EXT2: variants seen among roughly 807,000 people sequenced by gnomAD.
EXT2 encodes exostosin-2.
In EXT2, 53 loss-of-function variants were observed where a neutral mutation model predicts 81.6. The ratio of observed to expected loss-of-function variants is 0.65; its 90% CI spans 0.52 to 0.82. The LOEUF is 0.82. Ranked by LOEUF, EXT2 falls within the 40% of genes least tolerant of loss-of-function variation. The probability of loss-of-function intolerance (pLI) is 0.00; values close to 1 mark genes in which losing one functional copy is unlikely to be tolerated. For synonymous variants in EXT2, 320 were observed against 340.0 expected, an observed-to-expected ratio of 0.94 and a Z score of 0.65; for missense variants, 774 against 910.2, an observed-to-expected ratio of 0.85 and a Z score of 1.93.
At chr11:44,102,699 GTA>G (rs1205490605) in intron 1 of EXT2, among the ~76,000 whole-genome samples, 1 of 151,988 alleles carries the variant, frequency 6.6e-6, no homozygotes, top group Non-Finnish European at 1.5e-5. Context: ...CTGTGGTTCC[GTA>G]TCTTCTCCAA....
chr11:44,114,158 T>A (rs1465466433), intron 3 of EXT2, 27 bp from the exon 4 acceptor site: 2 of 1,587,048 alleles, frequency 1.3e-6, no homozygotes, highest in Admixed American at 1.7e-5. Context: ...TTCTTTCTCA[T>A]CGTTTAACAA....
chr11:44,096,115 C>T, intron 1 of EXT2: 1 of 804,534 alleles, frequency 1.2e-6, no homozygotes, highest in Non-Finnish European at 2.1e-6. Flanking sequence ...TGGTACCCAC[C>T]TGTTCTCCTA....
intron 8 of EXT2, among the ~76,000 whole-genome samples, chr11:44,189,050 AAG>A (rs1236157209): frequency 2.0e-5 from 3 of 152,362 alleles, no homozygotes; most frequent in East Asian, 3.9e-4. Flanking sequence ...CTGTAGGAAA[AAG>A]AGAATAGCAG....
chr11:44,247,243 C>CTAT lies in EXT2; in HGVS notation c.*2957_*2958insATT, dbSNP rs771809042. On this transcript the variant is annotated 3_prime_UTR_variant, in exon 14 of 14. Coordinates refer to ENST00000533608, the MANE Select transcript of EXT2 (RefSeq NM_207122.2). ...CCTGCCAGTGATGCTCTGCTGTATC[C>CTAT]TTTTTTTTTTTTTTTTTTTTGAGAC... Among the ~76,000 whole-genome samples, 2 of 115,182 alleles carry CTAT rather than the reference C, an allele frequency of 1.7e-5. No individual in the cohort carries two copies. The highest frequency in any genetic ancestry group is 3.3e-5 in the African/African-American group (1 of 30,314). 75.6% of individuals were successfully genotyped at this position (115,182 alleles called of 152,430 possible).
At chr11:44,182,912 A>G (rs1179188427) in intron 8 of EXT2, among the ~76,000 whole-genome samples, 4 of 152,244 alleles carry the variant, frequency 2.6e-5, no homozygotes, top group Admixed American at 6.5e-5. Context: ...TTTTAAGTCT[A>G]GAACAATTTC....
intron 8 of EXT2, among the ~76,000 whole-genome samples, chr11:44,190,663 A>G (rs993956592): frequency 6.6e-6 from 1 of 152,230 alleles, no homozygotes; most frequent in Non-Finnish European, 1.5e-5. Flanking sequence ...CTTCAGTGCT[A>G]CAGTTTGGTT....
Position 44,246,656 on chromosome 11 carries a change from G to A in EXT2, c.*2369G>A, listed in dbSNP as rs1386123240. Among the ~76,000 whole-genome samples, 3 of 152,222 alleles carry A rather than the reference G, an allele frequency of 2.0e-5. No individual in the cohort carries two copies. Among genetic ancestry groups the A allele is most frequent in the African/African-American group, 4.8e-5 (2 of 41,456 alleles). On this transcript the variant is annotated 3_prime_UTR_variant, in exon 14 of 14. Transcript: ENST00000533608. ...AACCTCAAAGGTGATGTTACCCTAT[G>A]AACAGATAGGTGGTACAGTCACCGT...
At chr11:44,188,650 A>G (rs1955349683) in intron 8 of EXT2, among the ~76,000 whole-genome samples, 2 of 152,226 alleles carry the variant, frequency 1.3e-5, no homozygotes, top group African/African-American at 2.4e-5. Flanking sequence ...CCATAAAGCT[A>G]TAGGCAATAT....
chr11:44,193,620 G>A (rs761478091), intron 8 of EXT2, among the ~76,000 whole-genome samples: 1 of 152,196 alleles, frequency 6.6e-6, no homozygotes, highest in South Asian at 2.1e-4. Flanking sequence ...GAAGCCATTT[G>A]CATTAACCCT....
At chr11:44,141,731 C>T (rs1443814577) in intron 7 of EXT2, among the ~76,000 whole-genome samples, 1 of 152,212 alleles carries the variant, frequency 6.6e-6, no homozygotes, top group Non-Finnish European at 1.5e-5. Context: ...GGTTTAATCC[C>T]TTGTCATGAA....
chr11:44,213,344 A>T (rs1459481980), intron 10 of EXT2, among the ~76,000 whole-genome samples: 1 of 152,212 alleles, frequency 6.6e-6, no homozygotes, highest in East Asian at 1.9e-4. Flanking sequence ...ATTACTCATC[A>T]TACCAGAAAC....
intron 9 of EXT2, among the ~76,000 whole-genome samples, chr11:44,200,638 C>T (rs536510888): frequency 2.0e-5 from 3 of 152,284 alleles, no homozygotes; most frequent in South Asian, 4.1e-4. Flanking sequence ...CAGCAGCCAC[C>T]TTCCTTTTGA....
chr11:44,106,582 G>GT (rs1954057988), intron 1 of EXT2, among the ~76,000 whole-genome samples: 1 of 152,138 alleles, frequency 6.6e-6, no homozygotes, highest in African/African-American at 2.4e-5. Flanking sequence ...TTTCTTCACA[G>GT]TACATGATGG....
intron 8 of EXT2, among the ~76,000 whole-genome samples, chr11:44,181,311 T>A (rs765966807): frequency 9.2e-4 from 140 of 152,268 alleles, no homozygotes; most frequent in Non-Finnish European, 1.8e-3. Context: ...TCCTGGCAAA[T>A]TCTGTGTTCT....
chr11:44,143,600 G>A (rs1421964114), intron 7 of EXT2, among the ~76,000 whole-genome samples: 1 of 152,142 alleles, frequency 6.6e-6, no homozygotes, highest in Admixed American at 6.5e-5. Context: ...AACATACACA[G>A]GGGTCTTCCC....
At chr11:44,144,402 G>C in intron 7 of EXT2, 11 of 1,404,716 alleles carry the variant, frequency 7.8e-6, no homozygotes, top group South Asian at 4.7e-5. Flanking sequence ...TGCTGAGAAG[G>C]CTTGACCAAA....
chr11:44,211,533 A>T (rs1955648296), intron 10 of EXT2, among the ~76,000 whole-genome samples: 1 of 152,238 alleles, frequency 6.6e-6, no homozygotes, highest in Admixed American at 6.5e-5. Flanking sequence ...ACAAAAAGAC[A>T]AACATTGTAT....
At chr11:44,111,774 G>A (rs893460731) in intron 3 of EXT2, among the ~76,000 whole-genome samples, 2 of 151,960 alleles carry the variant, frequency 1.3e-5, no homozygotes, top group African/African-American at 2.4e-5. Flanking sequence ...CTCCACCTCC[G>A]CTAGATTATC....
chr11:44,216,404 C>T (rs967333254), intron 10 of EXT2, among the ~76,000 whole-genome samples: 4 of 152,072 alleles, frequency 2.6e-5, no homozygotes, highest in South Asian at 2.1e-4. Context: ...CACTTTCTTG[C>T]GGAACACAGA....
Sources: gnomAD v4.1 joint callset for allele counts (sites outside exome capture counted in the v4.1 genomes callset) on GRCh38, gnomAD v4.1.1 for gene constraint, MANE v1.5 for transcripts, NCBI Gene and HGNC (gene_info 2026-07-23, HGNC 2026-07-21) for gene names.